The following PRRC1 variants were observed in gnomAD, a reference collection of about 807,000 sequenced individuals.
PRRC1 encodes the protein protein PRRC1.
In PRRC1, 39 loss-of-function variants were observed where a neutral mutation model predicts 40.7. The ratio of observed to expected loss-of-function variants is 0.96; its 90% confidence interval spans 0.74 to 1.25. PRRC1 has a LOEUF of 1.25. Ranked by LOEUF, PRRC1 falls within the 50% of genes most tolerant of loss-of-function variation. PRRC1 has a pLI of 0.00. For synonymous variants in PRRC1, 175 were observed against 193.3 expected (o/e 0.91, Z 0.79); for missense variants, 573 against 548.3 (o/e 1.05, Z -0.45).
intron 8 of PRRC1, 179 bp downstream of exon 8, chr5:127,548,100 C>A: frequency 1.5e-6 from 1 of 647,600 alleles, no homozygotes; most frequent in Non-Finnish European, 2.8e-6. Context: ...TGTTTTAGTA[C>A]CTTCCTCCTT....
rs769888775 is a variant in PRRC1, at chr5:127,523,507, A to C, written c.28A>C (p.Thr10Pro). 4.5e-5 allele frequency: 73 copies of C among 1,611,718 alleles called. No individual in the cohort carries two copies. The highest frequency in any genetic ancestry group is 1.8e-4 in the South Asian group (16 of 90,570). Residue 10 changes from threonine to proline, a missense_variant, in exon 2 of 9, where the codon ACA becomes CCA. Coordinates refer to ENST00000296666, the MANE Select transcript of PRRC1 (RefSeq NM_130809.5). MMEESGIET[T>P]PPGTPPPNPA... ...GATGGAAGAGAGTGGAATAGAGACA[A>C]CACCACCTGGGACTCCTCCACCAAA...
chr5:127,539,191 G>T, intron 7 of PRRC1, 48 bp downstream of exon 7: 1 of 1,412,890 alleles, frequency 7.1e-7, no homozygotes, highest in Non-Finnish European at 1.0e-6. Context: ...TTGGGTCTGG[G>T]AGTTGACACT....
At chr5:127,531,617 CTTTTTTTTTTT>C (rs60179366) in intron 5 of PRRC1, among the ~76,000 whole-genome samples, 5 of 99,680 alleles carry the variant, frequency 5.0e-5, no homozygotes, top group Non-Finnish European at 7.2e-5. Context: ...TCTTCTTCTT[CTTTTTTTTTTT>C]TTTTTTTTTT....
intron 7 of PRRC1, among the ~76,000 whole-genome samples, chr5:127,544,587 G>T (rs1282895372): frequency 1.3e-5 from 2 of 152,224 alleles, no homozygotes; most frequent in African/African-American, 4.8e-5. Flanking sequence ...GGCAATGGCG[G>T]GCGCCCCTCC....
Position 127,554,140 on chromosome 5 carries a change from A to T in PRRC1, c.*2224A>T, listed in dbSNP as rs947809156. 2.7e-6 allele frequency: 1 copy of T among 366,640 alleles called. No individual in the cohort carries two copies. The allele number at this position is 366,640 out of a possible 1,614,324, so 22.7% of individuals were successfully genotyped here. On this transcript the variant is annotated 3_prime_UTR_variant, in exon 9 of 9. Transcript: ENST00000296666. The stretch of plus-strand genomic sequence containing the variant: ...TCTAACACACCATGGCAGCTTAGCC[A>T]GGTAGTCTTAGTGGTGGTGTTTAGG...
Position 127,547,855 on chromosome 5 carries a change from T to C in PRRC1, c.1062T>C (p.Pro354=). The part of the protein sequence containing the change: ...FDIGCLVVED[P]VHGIHLETFT... Reference sequence around the variant, plus strand: ...TTGGTTGTTTGGTGGTTGAAGATCCTGTCCATGGCATTCATCTAGAAACAT... The same window carrying C: ...TTGGTTGTTTGGTGGTTGAAGATCCCGTCCATGGCATTCATCTAGAAACAT... Residue 354 remains proline, a synonymous_variant, in exon 8 of 9, where the codon CCT becomes CCC. Coordinates refer to ENST00000296666, the MANE Select transcript of PRRC1 (RefSeq NM_130809.5). The C allele has an allele frequency of 6.2e-7, 1 of 1,613,532 alleles. No homozygotes were observed. The highest frequency in any genetic ancestry group is 8.5e-7 in the Non-Finnish European group (1 of 1,179,652).
intron 8 of PRRC1, chr5:127,548,367 T>C: frequency 4.4e-6 from 1 of 228,224 alleles, no homozygotes; most frequent in Non-Finnish European, 8.6e-6. Flanking sequence ...CACGTGTCTT[T>C]AGGTTTTTGG....
At chr5:127,517,869 T>C (rs1767356861) in intron 1 of PRRC1, 93 bp downstream of exon 1, 1 of 152,232 alleles carries the variant, frequency 6.6e-6, no homozygotes, top group African/African-American at 2.4e-5. Flanking sequence ...CGAGGGACGG[T>C]GTCCCTGGAA....
chr5:127,528,052 G>C (rs76785268), intron 4 of PRRC1, among the ~76,000 whole-genome samples: 1 of 152,028 alleles, frequency 6.6e-6, no homozygotes, highest in African/African-American at 2.4e-5. Context: ...ACATTTTCTC[G>C]TATGATTTTT....
At position 127,552,357 on chromosome 5, in the gene PRRC1, A is replaced by G. The variant is rs1173062156; in HGVS notation, c.*441A>G. ...TCTGTCAGTCTTTGACTACTTTTGTATGTGCACACGATCTCAGGGCTGGTG... is the reference window on the plus strand; with the variant it reads ...TCTGTCAGTCTTTGACTACTTTTGTGTGTGCACACGATCTCAGGGCTGGTG... On this transcript the variant is annotated 3_prime_UTR_variant, in exon 9 of 9. Transcript: ENST00000296666. 3.9e-6 allele frequency: 4 copies of G among 1,015,418 alleles called. No individual in the cohort carries two copies. The highest frequency in any genetic ancestry group is 7.9e-5 in the South Asian group (2 of 25,270). The allele number at this position is 1,015,418 out of a possible 1,614,324, so 62.9% of individuals were successfully genotyped here. A position where few individuals can be genotyped will look rare whatever the true frequency, so the allele number is the denominator to read the frequency against.
intron 2 of PRRC1, 74 bp from the exon 3 acceptor site, chr5:127,524,457 G>A (rs1346154284): frequency 2.7e-6 from 4 of 1,468,358 alleles, no homozygotes; most frequent in Non-Finnish European, 3.6e-6. Context: ...CAAGAAGAAA[G>A]TAATTAGACA....
At chr5:127,542,387 G>A (rs1768073517) in intron 7 of PRRC1, among the ~76,000 whole-genome samples, 1 of 151,982 alleles carries the variant, frequency 6.6e-6, no homozygotes, top group African/African-American at 2.4e-5. Flanking sequence ...ATGTCTATTA[G>A]GTCCGCTTGG....
chr5:127,525,329 C>G (rs1280738296), intron 3 of PRRC1, among the ~76,000 whole-genome samples: 1 of 152,120 alleles, frequency 6.6e-6, no homozygotes, highest in African/African-American at 2.4e-5. Context: ...AAGGTTCATC[C>G]ATGTTGTAGC....
rs890946783 is a variant in PRRC1, at chr5:127,553,393, C to T, written c.*1477C>T. The T allele has an allele frequency of 3.2e-5, 33 of 1,023,506 alleles. No homozygotes were observed. The highest frequency in any genetic ancestry group is 1.1e-4 in the Admixed American group (2 of 17,552). 63.4% of individuals were successfully genotyped at this position (1,023,506 alleles called of 1,614,324 possible). On this transcript the variant is annotated 3_prime_UTR_variant, in exon 9 of 9. Coordinates refer to ENST00000296666, the MANE Select transcript of PRRC1 (RefSeq NM_130809.5). The stretch of plus-strand genomic sequence containing the variant: ...GACTGTTCAGTGAATATCAGACTTC[C>T]GTGTCATTAAAAGTCATGAGAGACA...
intron 7 of PRRC1, among the ~76,000 whole-genome samples, chr5:127,542,645 T>A (rs578044083): frequency 8.6e-4 from 130 of 151,854 alleles, no homozygotes; most frequent in African/African-American, 3.1e-3. Flanking sequence ...TCTTTGTCTC[T>A]TCTGATCTTT....
At position 127,552,077 on chromosome 5, in the gene PRRC1, T is replaced by C; in HGVS notation, c.*161T>C. ...CTTTCTCTAGAAAGGCATCATGTCATTCCAGGAGACAAAAAGAAACAAATC... is the reference window on the plus strand; with the variant it reads ...CTTTCTCTAGAAAGGCATCATGTCACTCCAGGAGACAAAAAGAAACAAATC... On this transcript the variant is annotated 3_prime_UTR_variant, in exon 9 of 9. Coordinates refer to ENST00000296666, the MANE Select transcript of PRRC1 (RefSeq NM_130809.5). The C allele has an allele frequency of 1.4e-6, 2 of 1,430,120 alleles. No homozygotes were observed. The highest frequency in any genetic ancestry group is 1.8e-6 in the Non-Finnish European group (2 of 1,094,262). The allele number at this position is 1,430,120 out of a possible 1,614,324, so 88.6% of individuals were successfully genotyped here.
intron 7 of PRRC1, among the ~76,000 whole-genome samples, chr5:127,544,258 C>T (rs1768145360): frequency 6.6e-6 from 1 of 152,306 alleles, no homozygotes; most frequent in African/African-American, 2.4e-5. Context: ...GAGTACCCGG[C>T]CAGCCGTGTG....
At chr5:127,539,016 C>G (rs1483863295) in intron 6 of PRRC1, 24 bp from the exon 7 acceptor site, 2 of 1,572,576 alleles carry the variant, frequency 1.3e-6, no homozygotes, top group Non-Finnish European at 1.7e-6. Context: ...GAAATGGTCT[C>G]TAACCTCTGC....
chr5:127,530,927 T>C (rs868820513), intron 5 of PRRC1, among the ~76,000 whole-genome samples: 7 of 152,336 alleles, frequency 4.6e-5, no homozygotes, highest in Middle Eastern at 3.4e-3. Flanking sequence ...AGACAGTTGA[T>C]AGATACTGTC....
Sources: gnomAD v4.1 joint callset for allele counts (sites outside exome capture counted in the v4.1 genomes callset) on GRCh38, gnomAD v4.1.1 for gene constraint, MANE v1.5 for transcripts, NCBI Gene and HGNC (gene_info 2026-07-23, HGNC 2026-07-21) for gene names.